Variants in TRPC4 observed in about 807,000 individuals in gnomAD.
The protein encoded by TRPC4 is transient receptor potential cation channel subfamily C member 4.
In TRPC4, 49 loss-of-function variants were observed where a neutral mutation model predicts 99.4. The ratio of observed to expected loss-of-function variants is 0.49; its 90% CI spans 0.39 to 0.63. The LOEUF is 0.63. TRPC4 is among the 20% of genes least tolerant of loss of function. The pLI is 0.00. For missense variants in TRPC4, 898 were observed against 1,152.9 expected (o/e 0.78, Z 3.20); for synonymous variants, 454 against 425.9 (o/e 1.07, Z -0.81).
intron 1 of TRPC4, among the ~76,000 whole-genome samples, chr13:37,814,183 T>C (rs1490894872): frequency 6.6e-6 from 1 of 151,816 alleles, no homozygotes; most frequent in Non-Finnish European, 1.5e-5. Context: ...TTCCTCAATC[T>C]TGTAAAGGAC....
At chr13:37,826,976 T>C (rs1431779655) in intron 1 of TRPC4, among the ~76,000 whole-genome samples, 3 of 152,104 alleles carry the variant, frequency 2.0e-5, no homozygotes, top group Admixed American at 6.5e-5. Context: ...TTGTTTCTTT[T>C]TATTCTTTTT....
chr13:37,739,625 C>T (rs1400514823), intron 3 of TRPC4, among the ~76,000 whole-genome samples: 1 of 151,506 alleles, frequency 6.6e-6, no homozygotes, highest in African/African-American at 2.4e-5. Context: ...CCTGCCTCAG[C>T]CTCCTGAGTA....
At chr13:37,639,320 C>T in intron 8 of TRPC4, 21 bp from the exon 9 acceptor site, 1 of 1,612,526 alleles carries the variant, frequency 6.2e-7, no homozygotes, top group Non-Finnish European at 8.5e-7. Context: ...AAAGGACATT[C>T]CTTTCTGGTT....
intron 4 of TRPC4, among the ~76,000 whole-genome samples, chr13:37,681,374 T>C (rs946898280): frequency 3.9e-5 from 6 of 152,168 alleles, no homozygotes; most frequent in Non-Finnish European, 8.8e-5. Context: ...TGGAAACTCA[T>C]GTCATCATTT....
At chr13:37,806,718 T>C (rs888140295) in intron 1 of TRPC4, among the ~76,000 whole-genome samples, 4 of 152,092 alleles carry the variant, frequency 2.6e-5, no homozygotes, top group African/African-American at 9.7e-5. Context: ...GGTTGAGTAG[T>C]CTTCGAAGCA....
At chr13:37,671,712 A>G (rs1397144592) in intron 5 of TRPC4, among the ~76,000 whole-genome samples, 1 of 152,200 alleles carries the variant, frequency 6.6e-6, no homozygotes, top group Non-Finnish European at 1.5e-5. Context: ...TGAGACAAAT[A>G]GAGGTGAAGA....
chr13:37,649,766 A>G, intron 8 of TRPC4, among the ~76,000 whole-genome samples: 1 of 146,830 alleles, frequency 6.8e-6, no homozygotes, highest in East Asian at 2.0e-4. Flanking sequence ...AAAAACAACA[A>G]CAAAGAACTA....
At chr13:37,659,233 T>C (rs9566247) in intron 6 of TRPC4, among the ~76,000 whole-genome samples, 56,594 of 151,490 alleles carry the variant, frequency 0.37, 11,009 homozygotes, top group African/African-American at 0.44. Context: ...ATCCTAGGAG[T>C]AATTAGTGAG....
chr13:37,693,467 A>G (rs1253101777), intron 3 of TRPC4, among the ~76,000 whole-genome samples: 1 of 152,070 alleles, frequency 6.6e-6, no homozygotes, highest in African/African-American at 2.4e-5. Flanking sequence ...AAATAGGCTT[A>G]CTCTATAAGC....
chr13:37,838,755 A>G (rs9548064), intron 1 of TRPC4, among the ~76,000 whole-genome samples: 27,992 of 152,102 alleles, frequency 0.18, 2,654 homozygotes, highest in Middle Eastern at 0.2. Flanking sequence ...TCTTGTATAG[A>G]GAGAAGCATT....
At chr13:37,669,248 T>G (rs1952755409) in intron 5 of TRPC4, among the ~76,000 whole-genome samples, 1 of 152,144 alleles carries the variant, frequency 6.6e-6, no homozygotes, top group Admixed American at 6.6e-5. Context: ...GCCAAACTGT[T>G]GAAGATAAAT....
At chr13:37,843,084 A>G (rs1350508369) in intron 1 of TRPC4, among the ~76,000 whole-genome samples, 1 of 152,210 alleles carries the variant, frequency 6.6e-6, no homozygotes, top group African/African-American at 2.4e-5. Context: ...AATGGTTAAT[A>G]AACTTGGCTT....
At chr13:37,788,630 C>T (rs1022776187) in intron 1 of TRPC4, among the ~76,000 whole-genome samples, 44 of 152,056 alleles carry the variant, frequency 2.9e-4, no homozygotes, top group Non-Finnish European at 1.5e-4. Context: ...TCCACAGACT[C>T]CTTTTCTTCA....
intron 2 of TRPC4, among the ~76,000 whole-genome samples, chr13:37,770,034 T>A (rs748864989): frequency 4.0e-5 from 6 of 151,506 alleles, no homozygotes; most frequent in Non-Finnish European, 5.9e-5. Context: ...TTTTCTAGAT[T>A]CCAAACCTGA....
At chr13:37,654,087 T>A (rs986538554) in intron 7 of TRPC4, among the ~76,000 whole-genome samples, 1 of 152,128 alleles carries the variant, frequency 6.6e-6, no homozygotes, top group African/African-American at 2.4e-5. Context: ...ATAAAAACCA[T>A]CTATTCTCAT....
intron 1 of TRPC4, among the ~76,000 whole-genome samples, chr13:37,856,367 G>T (rs1210360198): frequency 7.0e-6 from 1 of 143,872 alleles, no homozygotes; most frequent in African/African-American, 2.5e-5. Flanking sequence ...TGAGATCAAA[G>T]CTGTAATAAT....
intron 3 of TRPC4, among the ~76,000 whole-genome samples, chr13:37,708,952 G>T (rs1469417516): frequency 6.6e-6 from 1 of 151,758 alleles, no homozygotes; most frequent in Admixed American, 6.6e-5. Context: ...ACTTGCCTGA[G>T]ATTTACATAC....
chr13:37,660,600 G>A (rs996174066), intron 6 of TRPC4, among the ~76,000 whole-genome samples: 1 of 152,072 alleles, frequency 6.6e-6, no homozygotes, highest in Non-Finnish European at 1.5e-5. Flanking sequence ...TAATAGAGAT[G>A]AAACCTTATG....
At position 37,649,295 on chromosome 13, in the gene TRPC4, A is replaced by G. The variant is rs186869012; in HGVS notation, c.2079+1970T>C. 1.4e-3 allele frequency among the ~76,000 whole-genome samples: 208 copies of G among 152,290 alleles called. 1 individual carries two copies. The highest frequency in any genetic ancestry group is 2.3e-3 in the Non-Finnish European group (159 of 68,032). ...ACTGTATTATAATGTTAAATATACT[A>G]CATAACATATCTGTTTTTATTTCTG... On this transcript the variant is annotated intron_variant, in intron 8 of 10. Transcript: ENST00000379705.
Sources: gnomAD v4.1 joint callset for allele counts (sites outside exome capture counted in the v4.1 genomes callset) on GRCh38, gnomAD v4.1.1 for gene constraint, MANE v1.5 for transcripts, NCBI Gene and HGNC (gene_info 2026-07-23, HGNC 2026-07-21) for gene names.